Variants in STAM2 observed in about 807,000 individuals in gnomAD.
STAM2 encodes signal transducing adaptor molecule 2, also known as signal transducing adapter molecule 2.
A neutral mutation model predicts 65.6 loss-of-function variants in STAM2; 51 were observed. The observed-to-expected ratio is 0.78, with a 90% CI of 0.62 to 0.98. The LOEUF (loss-of-function observed/expected upper bound fraction) is 0.98. Among genes scored for constraint, STAM2 ranks in the 50% least tolerant of loss-of-function variants. The pLI, the probability that STAM2 is intolerant of heterozygous loss-of-function variation, is 0.00. For synonymous variants in STAM2, 198 were observed against 208.4 expected (o/e 0.95, Z 0.43); for missense variants, 584 against 617.8 (o/e 0.95, Z 0.58).
intron 6 of STAM2, 23 bp downstream of exon 6, chr2:152,144,865 A>G: frequency 6.2e-7 from 1 of 1,608,186 alleles, no homozygotes; most frequent in Non-Finnish European, 8.5e-7. Context: ...GCAACACTAA[A>G]TTACATGTGC....
intron 1 of STAM2, among the ~76,000 whole-genome samples, chr2:152,166,978 G>A (rs1269578375): frequency 6.6e-6 from 1 of 152,184 alleles, no homozygotes; most frequent in Non-Finnish European, 1.5e-5. Flanking sequence ...CGAGTTTTCA[G>A]ATACAATAAC....
Position 152,133,456 on chromosome 2 carries a change from A to G in STAM2, c.828T>C (p.Asp276=). The part of the protein sequence containing the change: ...AAAVDKLNVI[D]DDVEEIKKSE... ...ATTTCTTAATTTCCTCCACATCATCATCAATTACATTCAATTTGTCCACAG... is the reference window on the plus strand; with the variant it reads ...ATTTCTTAATTTCCTCCACATCATCGTCAATTACATTCAATTTGTCCACAG... The change falls in exon 9 of 14, where the codon GAT becomes GAC. Residue 276 remains aspartate (D), a synonymous_variant. Coordinates refer to ENST00000263904, the MANE Select transcript of STAM2 (RefSeq NM_005843.6). 6.2e-7 allele frequency: 1 copy of G among 1,612,860 alleles called. No homozygotes were observed. The highest frequency in any genetic ancestry group is 8.5e-7 in the Non-Finnish European group (1 of 1,179,294).
chr2:152,156,457 C>T (rs1156228728), intron 1 of STAM2, among the ~76,000 whole-genome samples: 1 of 152,064 alleles, frequency 6.6e-6, no homozygotes, highest in Non-Finnish European at 1.5e-5. Context: ...TGTTGGGGCC[C>T]TATATCACAT....
intron 1 of STAM2, among the ~76,000 whole-genome samples, chr2:152,173,126 T>C (rs1369160832): frequency 6.6e-6 from 1 of 151,502 alleles, no homozygotes; most frequent in Non-Finnish European, 1.5e-5. Flanking sequence ...TTACTCATTT[T>C]GTGTCCATAG....
intron 12 of STAM2, chr2:152,124,138 CT>C (rs1688911715): frequency 3.7e-6 from 2 of 534,246 alleles, no homozygotes; most frequent in African/African-American, 3.8e-5. Context: ...ATTTGTTTGG[CT>C]GTTCTTTTAT....
intron 1 of STAM2, among the ~76,000 whole-genome samples, chr2:152,166,942 C>T (rs181154609): frequency 2.6e-5 from 4 of 152,138 alleles, no homozygotes; most frequent in Admixed American, 6.5e-5. Flanking sequence ...ACTAAGGGTA[C>T]GTTTACCGAC....
intron 12 of STAM2, 169 bp from the exon 13 acceptor site, chr2:152,124,104 C>T: frequency 1.7e-6 from 1 of 584,600 alleles, no homozygotes; most frequent in East Asian, 2.9e-5. Context: ...TGTCAAATCA[C>T]AGTGCCAAAT....
intron 1 of STAM2, among the ~76,000 whole-genome samples, chr2:152,168,713 T>C (rs1264737002): frequency 1.3e-5 from 2 of 152,342 alleles, no homozygotes; most frequent in African/African-American, 4.8e-5. Flanking sequence ...TTCTCTTACA[T>C]CCTAAAAACC....
chr2:152,133,212 C>T lies in STAM2; in HGVS notation c.931G>A (p.Asp311Asn), dbSNP rs747094229. The change falls in exon 10 of 14, where the codon GAT (aspartate) becomes AAT (asparagine). Residue 311 changes from aspartate to asparagine, a missense_variant. By Grantham distance (23) the Asp-to-Asn change is conservative (BLOSUM62 1). Transcript: ENST00000263904. ...AGGTCTTGGGAGTCTGGTTTTGAAT[C>T]TGTTGGATCTATACTCTGAAGTACC... ...LQVLQSIDPT[D>N]SKPDSQDLLD... The T allele has an allele frequency of 1.2e-6, 2 of 1,604,870 alleles. No individual in the cohort carries two copies. The highest frequency in any genetic ancestry group is 1.7e-5 in the Admixed American group (1 of 58,320).
Position 152,119,196 on chromosome 2 carries a change from T to A in STAM2, c.*1378A>T, listed in dbSNP as rs989345245. 3 of 152,194 alleles carry A rather than the reference T, an allele frequency of 2.0e-5. No individual in the cohort carries two copies. Among genetic ancestry groups the A allele is most frequent in the Admixed American group, 2.0e-4 (3 of 15,268 alleles). 9.4% of individuals were successfully genotyped at this position (152,194 alleles called of 1,614,324 possible). Reference sequence around the variant, plus strand: ...ACATGTATGTATTTGCAATTTCTATTTTCCAATATGTAAAAAGTTGGTAGA... The same window carrying A: ...ACATGTATGTATTTGCAATTTCTATATTCCAATATGTAAAAAGTTGGTAGA... On this transcript the variant is annotated 3_prime_UTR_variant, in exon 14 of 14. Coordinates refer to ENST00000263904, the MANE Select transcript of STAM2 (RefSeq NM_005843.6).
At chr2:152,125,011 T>G (rs961225763) in intron 12 of STAM2, among the ~76,000 whole-genome samples, 4 of 152,222 alleles carry the variant, frequency 2.6e-5, no homozygotes, top group African/African-American at 9.6e-5. Flanking sequence ...GTTAACTTTT[T>G]AGAGACATGA....
intron 1 of STAM2, among the ~76,000 whole-genome samples, chr2:152,163,863 C>T (rs557873857): frequency 1.3e-5 from 2 of 152,134 alleles, no homozygotes; most frequent in South Asian, 4.1e-4. Flanking sequence ...TGGGAAACTC[C>T]AGCCTGGTAA....
intron 13 of STAM2, among the ~76,000 whole-genome samples, chr2:152,121,068 A>G (rs1688844935): frequency 6.6e-6 from 1 of 152,052 alleles, no homozygotes; most frequent in Non-Finnish European, 1.5e-5. Context: ...GGCTCAAGCA[A>G]TCCTCCTGCC....
At chr2:152,129,611 G>A (rs1293399966) in intron 11 of STAM2, among the ~76,000 whole-genome samples, 1 of 152,094 alleles carries the variant, frequency 6.6e-6, no homozygotes, top group Non-Finnish European at 1.5e-5. Flanking sequence ...ATTGTAGAAT[G>A]TGTGGACATA....
chr2:152,159,725 C>T lies in STAM2; in HGVS notation c.41-9496G>A, dbSNP rs537603442. Among the ~76,000 whole-genome samples the T allele has an allele frequency of 4.6e-5, 7 of 152,152 alleles. No homozygotes were observed. In the East Asian group the frequency reaches 1.4e-3, roughly 29 times the overall value. ...ACAGGATTGCTCCCTCTCCCTCTCC[C>T]TCTCCCCACAGTCTCCCTCTCCCTC... On this transcript the variant is annotated intron_variant, in intron 1 of 13. Coordinates refer to ENST00000263904, the MANE Select transcript of STAM2 (RefSeq NM_005843.6).
chr2:152,136,892 CTTTTTTT>C (rs746931542), intron 7 of STAM2, among the ~76,000 whole-genome samples: 3 of 130,114 alleles, frequency 2.3e-5, no homozygotes, highest in Admixed American at 7.6e-5. Flanking sequence ...AAACATTTTT[CTTTTTTT>C]TTTTTTTTTT....
chr2:152,117,747 A>T lies in STAM2; in HGVS notation c.*2827T>A, dbSNP rs1408986164. 1 of 152,168 alleles carries T rather than the reference A, an allele frequency of 6.6e-6. No individual in the cohort carries two copies. Among genetic ancestry groups the T allele is most frequent in the Non-Finnish European group, 1.5e-5 (1 of 68,004 alleles). 9.4% of individuals were successfully genotyped at this position (152,168 alleles called of 1,614,324 possible). ...TACTAAGAAAACCTTTTTAAAAAAA[A>T]TCCCTAAGCTATATGTTTTTAAAAC... On this transcript the variant is annotated 3_prime_UTR_variant, in exon 14 of 14. Coordinates refer to ENST00000263904, the MANE Select transcript of STAM2 (RefSeq NM_005843.6).
At chr2:152,135,464 G>GA (rs1450603467) in intron 8 of STAM2, 45 bp downstream of exon 8, 12 of 1,380,932 alleles carry the variant, frequency 8.7e-6, no homozygotes, top group Admixed American at 2.0e-5. Flanking sequence ...AAATTTAAGT[G>GA]AAAAAAACTT....
chr2:152,138,101 A>G (rs1560214313), intron 7 of STAM2, among the ~76,000 whole-genome samples: 1 of 152,158 alleles, frequency 6.6e-6, no homozygotes, highest in Non-Finnish European at 1.5e-5. Flanking sequence ...TTCTCTGGGG[A>G]AAAAGTCCTG....
Sources: gnomAD v4.1 joint callset for allele counts (sites outside exome capture counted in the v4.1 genomes callset) on GRCh38, gnomAD v4.1.1 for gene constraint, MANE v1.5 for transcripts, NCBI Gene and HGNC (gene_info 2026-07-23, HGNC 2026-07-21) for gene names.